Variants in TNFRSF21 observed in about 807,000 individuals in gnomAD.
The protein encoded by TNFRSF21 is tumor necrosis factor receptor superfamily member 21.
TNFRSF21 carries 19 observed loss-of-function variants against 45.6 expected under a neutral mutation model. The ratio of observed to expected loss-of-function variants is 0.42; its 90% CI spans 0.29 to 0.61. TNFRSF21 has a LOEUF of 0.61. Among genes scored for constraint, TNFRSF21 ranks in the 20% least tolerant of loss-of-function variants. TNFRSF21 has a pLI of 0.23. For missense variants in TNFRSF21, 737 were observed against 851.5 expected (o/e 0.87, Z 1.67); for synonymous variants, 314 against 335.5 (o/e 0.94, Z 0.70).
chr6:47,244,305 C>CA (rs1214116385), intron 4 of TNFRSF21, among the ~76,000 whole-genome samples: 1 of 126,222 alleles, frequency 7.9e-6, no homozygotes, highest in Non-Finnish European at 1.6e-5. Context: ...GCCTGGGCGA[C>CA]ACAGCAAGAC....
chr6:47,286,559 G>A lies in TNFRSF21; in HGVS notation c.133C>T (p.Gln45Ter), dbSNP rs1464937995. ...FLSTTTAQPEQKASNLIGTYR... is the reference protein window; with the variant it reads ...FLSTTTAQPE The stretch of plus-strand genomic sequence containing the variant: ...GTGCCAATGAGATTCGAGGCCTTCT[G>A]TTCTGGCTGAGCTGTGGTGGTGCTA... The change falls in exon 2 of 6, where the codon CAG (glutamine) becomes TAG (stop). Residue 45 changes from glutamine to a stop codon, truncating the protein, a stop_gained. Coordinates refer to ENST00000296861, the MANE Select transcript of TNFRSF21 (RefSeq NM_014452.5). LOFTEE classifies it high-confidence loss of function. 6.2e-7 allele frequency: 1 copy of A among 1,610,892 alleles called. No individual in the cohort carries two copies. The highest frequency in any genetic ancestry group is 1.1e-5 in the South Asian group (1 of 91,000).
rs781404762 is a variant in TNFRSF21, at chr6:47,286,169, T to C, written c.523A>G (p.Thr175Ala). 9 of 1,614,092 alleles carry C rather than the reference T, an allele frequency of 5.6e-6. No individual in the cohort carries two copies. In the Admixed American group the frequency reaches 1.0e-4, roughly 18 times the overall value. The change falls in exon 2 of 6, where the codon ACC becomes GCC. Residue 175 changes from threonine to alanine, a missense_variant. Thr to Ala is a moderately conservative substitution (Grantham distance 58). Coordinates refer to ENST00000296861, the MANE Select transcript of TNFRSF21 (RefSeq NM_014452.5). ...DVRCKQCARG[T>A]FSDVPSSVMK... Reference sequence around the variant, plus strand: ...ACACTAGAAGGCACATCTGAGAAGGTACCCCGAGCACACTGCTTACACCGC... The same window carrying C: ...ACACTAGAAGGCACATCTGAGAAGGCACCCCGAGCACACTGCTTACACCGC...
chr6:47,232,827 T>A lies in TNFRSF21; in HGVS notation c.1906A>T (p.Ser636Cys). Residue 636 changes from serine (S) to cysteine (C), a missense_variant, in exon 6 of 6, where the codon AGC becomes TGC. Coordinates refer to ENST00000296861, the MANE Select transcript of TNFRSF21 (RefSeq NM_014452.5). ...DRLFEIIGVK[S>C]QEASQTLLDS... ...AGGAGGGTCTGGCTGGCTTCCTGGC[T>A]CTTGACTCCAATAATTTCGAATAGC... 2 of 1,614,176 alleles carry A rather than the reference T, an allele frequency of 1.2e-6. No homozygotes were observed. Among genetic ancestry groups the A allele is most frequent in the Non-Finnish European group, 1.7e-6 (2 of 1,180,034 alleles).
intron 3 of TNFRSF21, among the ~76,000 whole-genome samples, chr6:47,265,258 T>C (rs1048593350): frequency 6.6e-6 from 1 of 152,364 alleles, no homozygotes; most frequent in East Asian, 1.9e-4. Flanking sequence ...GTAGGATATC[T>C]GAGTGATTTC....
At chr6:47,284,650 T>C (rs548000663) in intron 2 of TNFRSF21, among the ~76,000 whole-genome samples, 15 of 152,286 alleles carry the variant, frequency 9.8e-5, no homozygotes, top group African/African-American at 3.6e-4. Context: ...CTCACATTCT[T>C]ACACCAAAAC....
chr6:47,296,482 G>C (rs966350833), intron 1 of TNFRSF21, among the ~76,000 whole-genome samples: 1 of 152,020 alleles, frequency 6.6e-6, no homozygotes. Context: ...GATGATTGTC[G>C]GCTGGGGGCT....
intron 1 of TNFRSF21, among the ~76,000 whole-genome samples, chr6:47,300,118 G>A (rs1205279421): frequency 1.4e-4 from 21 of 152,202 alleles, no homozygotes; most frequent in Admixed American, 1.3e-3. Flanking sequence ...GCCGACTGGA[G>A]GGGATAGAGC....
intron 1 of TNFRSF21, among the ~76,000 whole-genome samples, chr6:47,303,787 T>C (rs1487820438): frequency 1.3e-5 from 2 of 152,210 alleles, no homozygotes; most frequent in Non-Finnish European, 1.5e-5. Context: ...GGATTCCCAT[T>C]TTATTTTTTG....
chr6:47,283,935 C>T lies in TNFRSF21; in HGVS notation c.1243+3G>A, dbSNP rs1207633919. 1 of 1,610,860 alleles carries T rather than the reference C, an allele frequency of 6.2e-7. No individual in the cohort carries two copies. The highest frequency in any genetic ancestry group is 1.1e-5 in the South Asian group (1 of 90,590). Reference sequence around the variant, plus strand: ...GAGCAAGGAGAGAAGAGAGAAGGCTCACCATGGCCATTGCAGTAGTAGATC... The same window carrying T: ...GAGCAAGGAGAGAAGAGAGAAGGCTTACCATGGCCATTGCAGTAGTAGATC... On this transcript the variant is annotated splice_donor_region_variant and intron_variant, in intron 3 of 5. Coordinates refer to ENST00000296861, the MANE Select transcript of TNFRSF21 (RefSeq NM_014452.5).
chr6:47,293,534 C>T (rs889777617), intron 1 of TNFRSF21, among the ~76,000 whole-genome samples: 1 of 152,156 alleles, frequency 6.6e-6, no homozygotes, highest in Non-Finnish European at 1.5e-5. Flanking sequence ...AATATACTAT[C>T]CAGCCTTTTA....
rs751243110 is a variant in TNFRSF21, at chr6:47,284,385, C to T, written c.796G>A (p.Val266Ile). 5.2e-6 allele frequency: 8 copies of T among 1,534,018 alleles called. No individual in the cohort carries two copies. Among genetic ancestry groups the T allele is most frequent in the South Asian group, 2.6e-5 (2 of 76,494 alleles). Residue 266 changes from valine to isoleucine, a missense_variant, in exon 3 of 6, where the codon GTA (valine) becomes ATA (isoleucine). Coordinates refer to ENST00000296861, the MANE Select transcript of TNFRSF21 (RefSeq NM_014452.5). ...SNSSASVRPK[V>I]LSSIQEGTVP... ...GTCCCTTCCTGGATGCTACTCAGTA[C>T]CTTTGGTCTAACAGAGGCAGAAGAG...
chr6:47,291,236 A>G (rs1004598261), intron 1 of TNFRSF21, among the ~76,000 whole-genome samples: 5 of 152,270 alleles, frequency 3.3e-5, no homozygotes, highest in African/African-American at 1.2e-4. Flanking sequence ...GAGTGGCCAC[A>G]GTTACATCTG....
At chr6:47,296,382 A>G (rs1762789133) in intron 1 of TNFRSF21, among the ~76,000 whole-genome samples, 1 of 152,190 alleles carries the variant, frequency 6.6e-6, no homozygotes, top group Non-Finnish European at 1.5e-5. Flanking sequence ...TAATAAATAT[A>G]TATATTTGGT....
chr6:47,243,165 A>G (rs777422903), intron 4 of TNFRSF21, among the ~76,000 whole-genome samples: 4 of 152,222 alleles, frequency 2.6e-5, no homozygotes, highest in Non-Finnish European at 5.9e-5. Flanking sequence ...ATGGTCTACA[A>G]GTCTAAGTTA....
intron 4 of TNFRSF21, among the ~76,000 whole-genome samples, chr6:47,250,467 A>T (rs915909560): frequency 6.6e-6 from 1 of 152,246 alleles, no homozygotes; most frequent in Non-Finnish European, 1.5e-5. Flanking sequence ...GGTTTAATTT[A>T]AAAATGGCTA....
intron 1 of TNFRSF21, among the ~76,000 whole-genome samples, chr6:47,298,399 C>T (rs1332948237): frequency 1.3e-5 from 2 of 151,732 alleles, no homozygotes; most frequent in Non-Finnish European, 2.9e-5. Flanking sequence ...CAGTGAGCTG[C>T]GATCACATGA....
chr6:47,285,765 C>T (rs114019124), intron 2 of TNFRSF21, among the ~76,000 whole-genome samples, 179 bp downstream of exon 2: 2 of 152,134 alleles, frequency 1.3e-5, no homozygotes, highest in Admixed American at 1.3e-4. Flanking sequence ...TCTGAGTCTA[C>T]ATGTTTCTAT....
intron 1 of TNFRSF21, among the ~76,000 whole-genome samples, chr6:47,287,407 G>A (rs1041157929): frequency 4.7e-5 from 7 of 150,510 alleles, no homozygotes; most frequent in South Asian, 2.1e-4. Context: ...TTAACATTGG[G>A]TATTTTATTC....
intron 3 of TNFRSF21, among the ~76,000 whole-genome samples, chr6:47,273,626 A>C (rs537394099): frequency 6.6e-6 from 1 of 152,176 alleles, no homozygotes; most frequent in East Asian, 1.9e-4. Flanking sequence ...CTCTCTCACC[A>C]CTCCTATTCA....
Sources: allele counts gnomAD v4.1 joint callset (sites outside exome capture counted in the v4.1 genomes callset), GRCh38; gene constraint gnomAD v4.1.1; transcripts MANE v1.5; gene names NCBI Gene and HGNC (gene_info 2026-07-23, HGNC 2026-07-21).